GALNT17: variants seen among roughly 807,000 people sequenced by gnomAD.
The protein encoded by GALNT17 is UDP-GalNAc:polypeptide N-acetylgalactosaminyltransferase-like 3.
Under a neutral mutation model 63.7 loss-of-function variants are expected in GALNT17, and 29 were observed. That is an observed-to-expected ratio of 0.46 (90% confidence interval 0.34 to 0.62). GALNT17 has a LOEUF of 0.62. GALNT17 is among the 20% of genes least tolerant of loss of function. The pLI, the probability that GALNT17 is intolerant of heterozygous loss-of-function variation, is 0.01. For missense variants in GALNT17, 603 were observed against 799.6 expected (o/e 0.75, Z 2.97); for synonymous variants, 305 against 318.3 (o/e 0.96, Z 0.45).
intron 6 of GALNT17, among the ~76,000 whole-genome samples, chr7:71,576,408 A>G (rs1347233196): frequency 5.3e-5 from 8 of 152,194 alleles, no homozygotes; most frequent in Admixed American, 5.2e-4. Context: ...GTTCTGTTTT[A>G]AGTTTTTTGA....
chr7:71,318,935 T>C (rs983990023), intron 1 of GALNT17, among the ~76,000 whole-genome samples: 4 of 152,064 alleles, frequency 2.6e-5, no homozygotes, highest in Non-Finnish European at 4.4e-5. Context: ...CACATCCCCA[T>C]TGTACGCATG....
intron 1 of GALNT17, among the ~76,000 whole-genome samples, chr7:71,313,683 G>A (rs1791449471): frequency 6.6e-6 from 1 of 152,210 alleles, no homozygotes; most frequent in African/African-American, 2.4e-5. Flanking sequence ...AGGGAAGAGA[G>A]GGAGCTAGTC....
chr7:71,630,929 G>A (rs997206106), intron 6 of GALNT17, among the ~76,000 whole-genome samples: 1 of 152,182 alleles, frequency 6.6e-6, no homozygotes, highest in Admixed American at 6.5e-5. Flanking sequence ...GATAAATTAG[G>A]GTACAGGTAC....
chr7:71,529,140 AAAATAAAT>A (rs574345466), intron 5 of GALNT17, among the ~76,000 whole-genome samples: 1 of 152,096 alleles, frequency 6.6e-6, no homozygotes, highest in African/African-American at 2.4e-5. Context: ...GTCTCAATTA[AAAATAAAT>A]AAATAAATAA....
intron 5 of GALNT17, among the ~76,000 whole-genome samples, chr7:71,494,532 T>A (rs2116681693): frequency 6.6e-6 from 1 of 152,088 alleles, no homozygotes; most frequent in Non-Finnish European, 1.5e-5. Context: ...TTTTTGTTTG[T>A]TTGTTTTGTA....
intron 1 of GALNT17, among the ~76,000 whole-genome samples, chr7:71,213,612 T>C (rs1400508833): frequency 6.6e-6 from 1 of 150,706 alleles, no homozygotes; most frequent in Non-Finnish European, 1.5e-5. Context: ...TATACATCCC[T>C]GAGAATACTT....
intron 1 of GALNT17, among the ~76,000 whole-genome samples, chr7:71,277,452 T>C (rs1790703002): frequency 6.6e-6 from 1 of 152,164 alleles, no homozygotes; most frequent in African/African-American, 2.4e-5. Flanking sequence ...ACAGTATACC[T>C]ATGTAACATG....
intron 5 of GALNT17, among the ~76,000 whole-genome samples, chr7:71,559,903 A>C (rs537290828): frequency 2.0e-5 from 3 of 151,934 alleles, no homozygotes; most frequent in South Asian, 2.1e-4. Context: ...AAAACAAAAA[A>C]AAAAAAATCA....
At chr7:71,669,728 A>AT (rs1241650825) in intron 7 of GALNT17, among the ~76,000 whole-genome samples, 1 of 151,518 alleles carries the variant, frequency 6.6e-6, no homozygotes, top group African/African-American at 2.4e-5. Flanking sequence ...TGCCCAGCTA[A>AT]TTTTTTGTAT....
intron 6 of GALNT17, among the ~76,000 whole-genome samples, chr7:71,587,565 T>G (rs566763712): frequency 1.3e-5 from 2 of 152,290 alleles, no homozygotes; most frequent in South Asian, 4.2e-4. Context: ...TGTCTGTGGC[T>G]TGTCTGTTCA....
At chr7:71,575,757 C>T (rs1441409888) in intron 6 of GALNT17, among the ~76,000 whole-genome samples, 2 of 151,992 alleles carry the variant, frequency 1.3e-5, no homozygotes, top group African/African-American at 4.8e-5. Flanking sequence ...TTTTGTGTTA[C>T]TTTTTAATTC....
intron 3 of GALNT17, among the ~76,000 whole-genome samples, chr7:71,402,749 T>G (rs1368728468): frequency 2.7e-5 from 4 of 149,684 alleles, no homozygotes; most frequent in Non-Finnish European, 4.4e-5. Context: ...TTTGGAGAAG[T>G]CACACTGGCA....
intron 5 of GALNT17, among the ~76,000 whole-genome samples, chr7:71,522,791 G>T (rs574349500): frequency 7.3e-4 from 111 of 152,272 alleles, no homozygotes; most frequent in African/African-American, 2.5e-3. Context: ...AGTTTCACCT[G>T]GGTTCATTTC....
chr7:71,359,402 G>A (rs1287065208), intron 2 of GALNT17, among the ~76,000 whole-genome samples: 2 of 151,962 alleles, frequency 1.3e-5, no homozygotes, highest in African/African-American at 4.8e-5. Flanking sequence ...TAGCTCCCAG[G>A]GAACTCTCCT....
At chr7:71,549,391 G>A (rs1789037747) in intron 5 of GALNT17, among the ~76,000 whole-genome samples, 1 of 152,044 alleles carries the variant, frequency 6.6e-6, no homozygotes, top group Non-Finnish European at 1.5e-5. Context: ...TACATAGTAA[G>A]ACTCTGTCTC....
chr7:71,461,707 T>G, intron 5 of GALNT17, among the ~76,000 whole-genome samples: 1 of 152,178 alleles, frequency 6.6e-6, no homozygotes, highest in East Asian at 1.9e-4. Context: ...CCACGTGACT[T>G]CTTGCTGCTG....
At chr7:71,325,205 A>C (rs1173585209) in intron 1 of GALNT17, among the ~76,000 whole-genome samples, 1 of 152,194 alleles carries the variant, frequency 6.6e-6, no homozygotes, top group Non-Finnish European at 1.5e-5. Flanking sequence ...AATGGCTGCA[A>C]TTTGTGCATT....
rs568881074 is a variant in GALNT17 at position 71,430,423 on chromosome 7, A to G, written c.962+9318A>G. On this transcript the variant is annotated intron_variant, in intron 5 of 10. Coordinates refer to ENST00000333538, the MANE Select transcript of GALNT17 (RefSeq NM_022479.3). ...TTCTCTCCAGCTGCAAAAGCCTGAG[A>G]CTTTCACCATGAGAGGGAAGGTTCC... 5.3e-5 allele frequency among the ~76,000 whole-genome samples: 8 copies of G among 152,266 alleles called. No homozygotes were observed. In the East Asian group the frequency reaches 1.5e-3, roughly 29 times the overall value.
At chr7:71,269,937 T>A (rs1290968269) in intron 1 of GALNT17, among the ~76,000 whole-genome samples, 1 of 152,038 alleles carries the variant, frequency 6.6e-6, no homozygotes, top group Non-Finnish European at 1.5e-5. Flanking sequence ...ATTAATACAC[T>A]CTCTGAAACG....
Sources: gnomAD v4.1 joint callset for allele counts (sites outside exome capture counted in the v4.1 genomes callset) on GRCh38, gnomAD v4.1.1 for gene constraint, MANE v1.5 for transcripts, NCBI Gene and HGNC (gene_info 2026-07-23, HGNC 2026-07-21) for gene names.